The following TAFA5 variants were observed in gnomAD, a reference collection of about 807,000 sequenced individuals.
TAFA5 encodes the protein TAFA chemokine like family member 5, also known as chemokine-like protein TAFA-5.
A neutral mutation model predicts 15.3 loss-of-function variants in TAFA5; 6 were observed. The observed-to-expected ratio is 0.39, with a 90% CI of 0.21 to 0.77. The LOEUF is 0.77. TAFA5 is among the 30% of genes least tolerant of loss of function. TAFA5 has a pLI of 0.41. For synonymous variants in TAFA5, 103 were observed against 80.7 expected, an observed-to-expected ratio of 1.28 and a Z score of -1.48; for missense variants, 161 against 193.1, an observed-to-expected ratio of 0.83 and a Z score of 0.98.
chr22:48,540,064 G>A (rs1922310162), intron 1 of TAFA5, among the ~76,000 whole-genome samples: 1 of 152,214 alleles, frequency 6.6e-6, no homozygotes, highest in African/African-American at 2.4e-5. Flanking sequence ...CCGGGTAAAA[G>A]CCGGCAAGCC....
intron 1 of TAFA5, among the ~76,000 whole-genome samples, chr22:48,644,201 C>G (rs903900606): frequency 3.9e-5 from 6 of 152,150 alleles, no homozygotes; most frequent in Non-Finnish European, 8.8e-5. Flanking sequence ...TCCAAGTTCC[C>G]GCCCCACAGC....
chr22:48,727,220 T>C (rs960016324), intron 3 of TAFA5, among the ~76,000 whole-genome samples: 6 of 152,142 alleles, frequency 3.9e-5, no homozygotes, highest in African/African-American at 1.4e-4. Flanking sequence ...ACTATGGCTA[T>C]AAAATTGAAC....
chr22:48,573,268 T>C (rs1321618540), intron 1 of TAFA5, among the ~76,000 whole-genome samples: 1 of 152,202 alleles, frequency 6.6e-6, no homozygotes, highest in Non-Finnish European at 1.5e-5. Context: ...CCCACCACAG[T>C]TTTTTCTCTT....
chr22:48,613,826 C>T (rs201757194), intron 1 of TAFA5, among the ~76,000 whole-genome samples: 2 of 152,312 alleles, frequency 1.3e-5, no homozygotes, highest in East Asian at 3.9e-4. Context: ...CCCTCGAGCT[C>T]CTGGTGGGTC....
At chr22:48,702,416 G>T (rs1293630592) in intron 2 of TAFA5, among the ~76,000 whole-genome samples, 1 of 152,152 alleles carries the variant, frequency 6.6e-6, no homozygotes, top group Non-Finnish European at 1.5e-5. Context: ...ACTCTGAGAC[G>T]CACTCCTATG....
intron 1 of TAFA5, among the ~76,000 whole-genome samples, chr22:48,516,940 A>G: frequency 6.6e-6 from 1 of 152,270 alleles, no homozygotes; most frequent in East Asian, 1.9e-4. Context: ...CAAACATCTT[A>G]TGTATTTATT....
chr22:48,662,719 G>C (rs1173238334), intron 2 of TAFA5, among the ~76,000 whole-genome samples: 2 of 152,228 alleles, frequency 1.3e-5, no homozygotes, highest in Non-Finnish European at 1.5e-5. Flanking sequence ...AGACTGGCAA[G>C]CCTGCTTGGG....
intron 2 of TAFA5, among the ~76,000 whole-genome samples, chr22:48,670,386 CAG>C (rs1177835648): frequency 1.3e-5 from 2 of 152,208 alleles, no homozygotes; most frequent in Non-Finnish European, 2.9e-5. Flanking sequence ...GCGCGGAGGA[CAG>C]AATGCTTAAG....
At chr22:48,694,816 G>T (rs2337315) in intron 2 of TAFA5, among the ~76,000 whole-genome samples, 1 of 43,578 alleles carries the variant, frequency 2.3e-5, no homozygotes, top group African/African-American at 6.5e-5. Flanking sequence ...GCCCCCACCC[G>T]CCGCCGCTCC....
At chr22:48,692,526 A>G (rs180829029) in intron 2 of TAFA5, among the ~76,000 whole-genome samples, 76 of 152,252 alleles carry the variant, frequency 5.0e-4, no homozygotes, top group East Asian at 1.2e-3. Flanking sequence ...GACCTCCCCA[A>G]TTGCTGGGAT....
At chr22:48,621,556 T>C (rs1374212135) in intron 1 of TAFA5, among the ~76,000 whole-genome samples, 1 of 152,054 alleles carries the variant, frequency 6.6e-6, no homozygotes, top group Non-Finnish European at 1.5e-5. Context: ...CATCGGCGGT[T>C]GTAGCAGGAG....
At chr22:48,516,123 G>A (rs191454437) in intron 1 of TAFA5, among the ~76,000 whole-genome samples, 6 of 152,232 alleles carry the variant, frequency 3.9e-5, no homozygotes, top group Admixed American at 2.0e-4. Context: ...TGATTGGCCC[G>A]GCAACGCACT....
At chr22:48,650,668 T>TA (rs1927021742) in intron 2 of TAFA5, among the ~76,000 whole-genome samples, 1 of 152,190 alleles carries the variant, frequency 6.6e-6, no homozygotes, top group South Asian at 2.1e-4. Flanking sequence ...TCCCTGCCTG[T>TA]ACAGGGCAGG....
chr22:48,571,572 C>CCG (rs1569029616), intron 1 of TAFA5, among the ~76,000 whole-genome samples: 1 of 40,780 alleles, frequency 2.5e-5, no homozygotes, highest in Non-Finnish European at 5.3e-5. Context: ...TGTGCCTGGC[C>CCG]TGTTTTTTTT....
chr22:48,704,874 G>A (rs921153732), intron 2 of TAFA5, among the ~76,000 whole-genome samples: 6 of 152,148 alleles, frequency 3.9e-5, no homozygotes, highest in Non-Finnish European at 2.9e-5. Context: ...CAGGATCATG[G>A]TGCTGATAGG....
At chr22:48,505,812 G>A (rs1920988748) in intron 1 of TAFA5, among the ~76,000 whole-genome samples, 1 of 152,204 alleles carries the variant, frequency 6.6e-6, no homozygotes, top group Non-Finnish European at 1.5e-5. Flanking sequence ...TTACACTCAT[G>A]GTTTTGGCTC....
intron 2 of TAFA5, among the ~76,000 whole-genome samples, chr22:48,673,474 C>T (rs1044474980): frequency 9.2e-5 from 14 of 152,138 alleles, no homozygotes; most frequent in Admixed American, 9.2e-4. Flanking sequence ...GACCCTCTGC[C>T]TCTGCAGCAG....
intron 2 of TAFA5, among the ~76,000 whole-genome samples, chr22:48,671,461 C>G (rs1350137467): frequency 6.6e-6 from 1 of 152,204 alleles, no homozygotes; most frequent in Non-Finnish European, 1.5e-5. Flanking sequence ...GTTCCACTCT[C>G]TGTGGAAAAG....
At chr22:48,720,557 A>T (rs966709519) in intron 3 of TAFA5, among the ~76,000 whole-genome samples, 1 of 152,104 alleles carries the variant, frequency 6.6e-6, no homozygotes, top group African/African-American at 2.4e-5. Flanking sequence ...AGGTGCTCAC[A>T]TCCCACCGTG....
Sources: gnomAD v4.1 joint callset for allele counts (sites outside exome capture counted in the v4.1 genomes callset) on GRCh38, gnomAD v4.1.1 for gene constraint, MANE v1.5 for transcripts, NCBI Gene and HGNC (gene_info 2026-07-23, HGNC 2026-07-21) for gene names.